Variants in ROBO2 observed in about 807,000 individuals in gnomAD.
The protein encoded by ROBO2 is roundabout homolog 2.
In ROBO2, 53 loss-of-function variants were observed where a neutral mutation model predicts 160.8. The ratio of observed to expected loss-of-function variants is 0.33; its 90% CI spans 0.26 to 0.41. ROBO2 has a LOEUF of 0.41. Among genes scored for constraint, ROBO2 ranks in the 10% least tolerant of loss-of-function variants. ROBO2 has a pLI of 1.00. For missense variants in ROBO2, 1,577 were observed against 1,722.4 expected, an observed-to-expected ratio of 0.92 and a Z score of 1.49; for synonymous variants, 664 against 611.7, an observed-to-expected ratio of 1.09 and a Z score of -1.26.
chr3:77,349,534 C>T (rs1310133867), intron 2 of ROBO2, among the ~76,000 whole-genome samples: 6 of 152,110 alleles, frequency 3.9e-5, no homozygotes, highest in Non-Finnish European at 1.5e-5. Context: ...GCTAGAAATG[C>T]TTTTAAGCCA....
intron 2 of ROBO2, among the ~76,000 whole-genome samples, chr3:76,891,244 G>A (rs767311133): frequency 6.6e-6 from 1 of 151,980 alleles, no homozygotes; most frequent in Non-Finnish European, 1.5e-5. Flanking sequence ...TTGAACAATA[G>A]TTTTTTCTTT....
chr3:77,047,887 C>CA (rs916909572), intron 1 of ROBO2, among the ~76,000 whole-genome samples: 2 of 150,760 alleles, frequency 1.3e-5, no homozygotes, highest in African/African-American at 4.9e-5. Flanking sequence ...ACTAAAAATA[C>CA]AAAAAAATAA....
intron 2 of ROBO2, among the ~76,000 whole-genome samples, chr3:77,208,181 G>T (rs2083661233): frequency 6.6e-6 from 1 of 152,110 alleles, no homozygotes; most frequent in Non-Finnish European, 1.5e-5. Flanking sequence ...TCATGACCTT[G>T]TCTACTCATT....
chr3:76,556,533 T>G (rs1578128832), intron 2 of ROBO2, among the ~76,000 whole-genome samples: 1 of 152,306 alleles, frequency 6.6e-6, no homozygotes, highest in South Asian at 2.1e-4. Context: ...ATGCATATTA[T>G]AAGTGTTAAT....
At chr3:76,530,004 C>T (rs771202460) in intron 2 of ROBO2, among the ~76,000 whole-genome samples, 1 of 152,284 alleles carries the variant, frequency 6.6e-6, no homozygotes, top group Middle Eastern at 3.4e-3. Flanking sequence ...ACCTTCTATT[C>T]TGTGTCCTTT....
intron 1 of ROBO2, among the ~76,000 whole-genome samples, chr3:77,047,598 A>G (rs1008827267): frequency 4.0e-5 from 6 of 151,402 alleles, no homozygotes; most frequent in African/African-American, 1.5e-4. Flanking sequence ...CTGAGGCAGG[A>G]GAATCATTTG....
In ROBO2 at chr3:77,619,694, C is replaced by A. The variant is rs528257833; in HGVS notation, c.3554+1921C>A. Among the ~76,000 whole-genome samples the A allele has an allele frequency of 2.0e-5, 3 of 152,284 alleles. No homozygotes were observed. The South Asian group carries it at 6.2e-4, about 32-fold the overall frequency. ...CTCCAGAGGCTGAGGTGACACCATG[C>A]AACTCCAAGCCCCCCCATAATCATA... On this transcript the variant is annotated intron_variant, in intron 22 of 25. Transcript: ENST00000461745.
chr3:76,390,386 T>G (rs2108636668), intron 2 of ROBO2, among the ~76,000 whole-genome samples: 1 of 152,278 alleles, frequency 6.6e-6, no homozygotes. Context: ...TGCATTTATA[T>G]TTTGAAACTG....
At chr3:77,108,423 C>G (rs1560026779) in intron 2 of ROBO2, among the ~76,000 whole-genome samples, 2 of 152,054 alleles carry the variant, frequency 1.3e-5, no homozygotes, top group Admixed American at 6.6e-5. Context: ...TGTGACCCCC[C>G]CCTACCTTGG....
chr3:75,989,813 G>A (rs887438167), intron 2 of ROBO2, among the ~76,000 whole-genome samples: 8 of 152,348 alleles, frequency 5.3e-5, no homozygotes, highest in African/African-American at 1.9e-4. Context: ...AGTTGTAGAA[G>A]TATGTGCTAA....
intron 2 of ROBO2, among the ~76,000 whole-genome samples, chr3:76,192,689 A>G (rs761319102): frequency 3.3e-5 from 5 of 152,046 alleles, no homozygotes; most frequent in African/African-American, 1.2e-4. Flanking sequence ...TTCCCACATG[A>G]TAAATTACTT....
chr3:77,061,521 G>C (rs560445522), intron 1 of ROBO2, among the ~76,000 whole-genome samples: 2 of 152,326 alleles, frequency 1.3e-5, no homozygotes, highest in East Asian at 3.9e-4. Context: ...AAAGCTCTGA[G>C]TGGTTTTTGA....
intron 2 of ROBO2, among the ~76,000 whole-genome samples, chr3:77,395,673 A>T (rs1390897971): frequency 6.6e-6 from 1 of 152,118 alleles, no homozygotes; most frequent in African/African-American, 2.4e-5. Context: ...TCTAAATGTA[A>T]TCGTGTATGA....
intron 2 of ROBO2, among the ~76,000 whole-genome samples, chr3:77,023,674 C>A (rs754303093): frequency 6.6e-6 from 1 of 151,992 alleles, no homozygotes; most frequent in Non-Finnish European, 1.5e-5. Context: ...AAGTAAGAAA[C>A]CTAAGTACCT....
chr3:75,960,707 A>G (rs1948879059), intron 2 of ROBO2, among the ~76,000 whole-genome samples: 1 of 151,818 alleles, frequency 6.6e-6, no homozygotes, highest in Admixed American at 6.6e-5. Flanking sequence ...CTATATCACT[A>G]AGACAGTAGG....
At chr3:76,549,575 G>A (rs913619351) in intron 2 of ROBO2, among the ~76,000 whole-genome samples, 23 of 152,292 alleles carry the variant, frequency 1.5e-4, no homozygotes, top group African/African-American at 5.3e-4. Context: ...CAGAAAATAT[G>A]CCTGTACCTG....
chr3:76,793,410 G>A (rs1045069069), intron 2 of ROBO2, among the ~76,000 whole-genome samples: 6 of 151,792 alleles, frequency 4.0e-5, no homozygotes, highest in Admixed American at 6.6e-5. Context: ...GTCACTTTAG[G>A]TACGAGGTTT....
chr3:77,534,251 C>T (rs928308074), intron 6 of ROBO2, among the ~76,000 whole-genome samples: 8 of 151,828 alleles, frequency 5.3e-5, no homozygotes, highest in Non-Finnish European at 1.2e-4. Context: ...ATTATCTTAA[C>T]CTAAACAGCA....
At chr3:77,356,187 A>ATT (rs1483152764) in intron 2 of ROBO2, among the ~76,000 whole-genome samples, 16 of 152,226 alleles carry the variant, frequency 1.1e-4, no homozygotes, top group Non-Finnish European at 1.6e-4. Flanking sequence ...GTATTAAAAG[A>ATT]ATGAGCTAGA....
Sources: gnomAD v4.1 joint callset for allele counts (sites outside exome capture counted in the v4.1 genomes callset) on GRCh38, gnomAD v4.1.1 for gene constraint, MANE v1.5 for transcripts, NCBI Gene and HGNC (gene_info 2026-07-23, HGNC 2026-07-21) for gene names.